The following ERMAP variants were observed in gnomAD, a reference collection of about 807,000 sequenced individuals.
The protein encoded by ERMAP is erythroblast membrane associated protein (Scianna blood group).
A neutral mutation model predicts 49.5 loss-of-function variants in ERMAP; 34 were observed. The observed-to-expected ratio is 0.69, with a 90% CI of 0.52 to 0.91. The LOEUF is 0.91. Among genes scored for constraint, ERMAP ranks in the 40% least tolerant of loss-of-function variants. The pLI is 0.00. For synonymous variants in ERMAP, 214 were observed against 232.2 expected (o/e 0.92, Z 0.71); for missense variants, 541 against 582.6 (o/e 0.93, Z 0.74).
At chr1:42,835,451 TAAAG>T (rs1654867043) in intron 5 of ERMAP, among the ~76,000 whole-genome samples, 1 of 152,200 alleles carries the variant, frequency 6.6e-6, no homozygotes, top group Non-Finnish European at 1.5e-5. Context: ...AGCCCTTTAA[TAAAG>T]AAATCCAATT....
Position 42,835,121 on chromosome 1 carries a change from C to G in ERMAP, c.517C>G (p.Leu173Val). The change falls in exon 5 of 12, where the codon CTT becomes GTT. Residue 173 changes from leucine to valine, a missense_variant. Physicochemically the swap from Leu to Val is conservative, Grantham distance 32. Coordinates refer to ENST00000372517, the MANE Select transcript of ERMAP (RefSeq NM_001017922.2). ...PVLVLLIMVC[L>V]CLIWKQRRAK... The stretch of plus-strand genomic sequence containing the variant: ...CCTGGTACTTCTCATCATGGTGTGC[C>G]TTTGCCTTATCTGGAAGCAAAGAAG... The G allele has an allele frequency of 6.4e-7, 1 of 1,559,286 alleles. No individual in the cohort carries two copies.
chr1:42,822,581 G>C (rs1654432551), intron 1 of ERMAP, among the ~76,000 whole-genome samples: 1 of 152,162 alleles, frequency 6.6e-6, no homozygotes, highest in African/African-American at 2.4e-5. Flanking sequence ...AGGGTAATTG[G>C]CATATTCATC....
rs1261758404 is a variant in ERMAP at position 42,819,168 on chromosome 1, A to T, written c.-122+1915A>T. On this transcript the variant is annotated intron_variant, in intron 1 of 11. Coordinates refer to ENST00000372517, the MANE Select transcript of ERMAP (RefSeq NM_001017922.2). The surrounding 1 kb of genome is among the most constrained non-coding windows in gnomAD (Gnocchi z 5.1). ...ACGGTGAGGAAGAGGATAAGTTAGG[A>T]GCGTGTGTGTGTGTGTGTGTGTGTG... 3.2e-5 allele frequency among the ~76,000 whole-genome samples: 3 copies of T among 94,234 alleles called. No individual in the cohort carries two copies. The Admixed American group carries it at 4.1e-4, about 13-fold the overall frequency. 61.8% of individuals were successfully genotyped at this position (94,234 alleles called of 152,430 possible). A position where few individuals can be genotyped will look rare whatever the true frequency, so the allele number is the denominator to read the frequency against.
chr1:42,834,794 A>T (rs1654844354), intron 4 of ERMAP: 1 of 393,284 alleles, frequency 2.5e-6, no homozygotes, highest in African/African-American at 2.1e-5. Context: ...ATCTCAGATG[A>T]TCCTCCTGCC....
chr1:42,834,147 C>CA (rs1423422175), intron 4 of ERMAP, among the ~76,000 whole-genome samples: 1 of 152,218 alleles, frequency 6.6e-6, no homozygotes, highest in East Asian at 1.9e-4. Context: ...GACATACTCC[C>CA]AGCTTAGGCT....
At chr1:42,817,514 C>T (rs943161258) in intron 1 of ERMAP, 1 of 158,796 alleles carries the variant, frequency 6.3e-6, no homozygotes, top group East Asian at 1.9e-4. Flanking sequence ...AGCTTTTTCC[C>T]GTTATATTTT....
Position 42,843,350 on chromosome 1 carries a change from T to G in ERMAP, c.*118T>G. On this transcript the variant is annotated 3_prime_UTR_variant, in exon 12 of 12. Coordinates refer to ENST00000372517, the MANE Select transcript of ERMAP (RefSeq NM_001017922.2). The stretch of plus-strand genomic sequence containing the variant: ...TCACCTTAACCCAAATCCAGACCCT[T>G]TTGTGGTTTCTATTTGTACCACTTT... The G allele has an allele frequency of 1.4e-6, 1 of 689,934 alleles. No homozygotes were observed. Among genetic ancestry groups the G allele is most frequent in the Non-Finnish European group, 2.3e-6 (1 of 432,512 alleles). 42.7% of individuals were successfully genotyped at this position (689,934 alleles called of 1,614,324 possible).
intron 8 of ERMAP, 30 bp downstream of exon 8, chr1:42,838,951 G>A: frequency 8.1e-6 from 13 of 1,614,140 alleles, no homozygotes; most frequent in Non-Finnish European, 1.1e-5. Flanking sequence ...CATGGCACAA[G>A]CTCCTTCTGC....
chr1:42,819,480 T>C lies in ERMAP; in HGVS notation c.-122+2227T>C, dbSNP rs1654351680. On this transcript the variant is annotated intron_variant, in intron 1 of 11. Transcript: ENST00000372517. This position sits in a 1 kb window ranked among gnomAD's most constrained non-coding sequence, Gnocchi z 5.1. ...CTCTTTTGTGTCTACCAGTGGACTC[T>C]TGGCCAGGCTGCAGAATTTCCTGGT... Among the ~76,000 whole-genome samples, 1 of 152,170 alleles carries C rather than the reference T, an allele frequency of 6.6e-6. No homozygotes were observed. The highest frequency in any genetic ancestry group is 2.4e-5 in the African/African-American group (1 of 41,424).
At chr1:42,823,232 A>G (rs1654448093) in intron 1 of ERMAP, among the ~76,000 whole-genome samples, 1 of 152,204 alleles carries the variant, frequency 6.6e-6, no homozygotes, top group Admixed American at 6.5e-5. Flanking sequence ...CAACACTCAC[A>G]GTTTTTTCTT....
Position 42,843,601 on chromosome 1 carries a change from A to G in ERMAP, c.*369A>G, listed in dbSNP as rs1655130884. Reference sequence around the variant, plus strand: ...TCATCCTGCCCTCAAGCTTTAGTCAAGAAGTTATGGCCCCCAGTCCCTGAC... The same window carrying G: ...TCATCCTGCCCTCAAGCTTTAGTCAGGAAGTTATGGCCCCCAGTCCCTGAC... On this transcript the variant is annotated 3_prime_UTR_variant, in exon 12 of 12. Transcript: ENST00000372517. 1 of 193,472 alleles carries G rather than the reference A, an allele frequency of 5.2e-6. No individual in the cohort carries two copies. The highest frequency in any genetic ancestry group is 1.0e-5 in the Non-Finnish European group (1 of 96,522). 12.0% of individuals were successfully genotyped at this position (193,472 alleles called of 1,614,324 possible). A position where few individuals can be genotyped will look rare whatever the true frequency, so the allele number is the denominator to read the frequency against.
Position 42,843,245 on chromosome 1 carries a change from T to A in ERMAP, c.*13T>A. 1 of 1,544,998 alleles carries A rather than the reference T, an allele frequency of 6.5e-7. No homozygotes were observed. ...TCCTTCTTTTTAGGGATATGCCACA[T>A]TACCTGCTCCCATCACCATCCAGCC... is the stretch of plus-strand genomic sequence containing the variant. On this transcript the variant is annotated 3_prime_UTR_variant, in exon 12 of 12. Coordinates refer to ENST00000372517, the MANE Select transcript of ERMAP (RefSeq NM_001017922.2).
chr1:42,818,732 G>C (rs1431574989), intron 1 of ERMAP, among the ~76,000 whole-genome samples: 1 of 152,130 alleles, frequency 6.6e-6, no homozygotes, highest in African/African-American at 2.4e-5. Flanking sequence ...CAGTCTCCCA[G>C]AGTGCTGGGA....
At chr1:42,818,574 C>T (rs1654312771) in intron 1 of ERMAP, among the ~76,000 whole-genome samples, 1 of 152,082 alleles carries the variant, frequency 6.6e-6, no homozygotes, top group Non-Finnish European at 1.5e-5. Flanking sequence ...CTCAAGCAAT[C>T]CTCCCACCTC....
chr1:42,837,102 A>C, intron 6 of ERMAP, 56 bp from the exon 7 acceptor site: 1 of 1,588,714 alleles, frequency 6.3e-7, no homozygotes, highest in Non-Finnish European at 8.6e-7. Flanking sequence ...AATAGGAATC[A>C]GGGATCCTCA....
At chr1:42,840,323 A>C (rs1287211406) in intron 11 of ERMAP, 27 bp downstream of exon 11, 1 of 1,613,948 alleles carries the variant, frequency 6.2e-7, no homozygotes, top group Non-Finnish European at 8.5e-7. Context: ...AAATAGGTCC[A>C]TATCTCAGAG....
chr1:42,837,071 G>A, intron 6 of ERMAP, 87 bp from the exon 7 acceptor site: 1 of 1,391,952 alleles, frequency 7.2e-7, no homozygotes, highest in African/African-American at 1.4e-5. Context: ...GAGGTGGACA[G>A]GTCCAAGGGC....
intron 8 of ERMAP, 150 bp from the exon 9 acceptor site, chr1:42,839,883 C>T (rs1655007687): frequency 1.3e-6 from 1 of 772,286 alleles, no homozygotes. Flanking sequence ...CAGCTGGGAT[C>T]TACTGCTCTT....
rs1655135209 is a variant in ERMAP at position 42,843,718 on chromosome 1, G to T, written c.*486G>T. 9.9e-6 allele frequency: 2 copies of T among 203,032 alleles called. No individual in the cohort carries two copies. Among genetic ancestry groups the T allele is most frequent in the Non-Finnish European group, 1.9e-5 (2 of 103,572 alleles). The allele number at this position is 203,032 out of a possible 1,614,324, so 12.6% of individuals were successfully genotyped here. On this transcript the variant is annotated 3_prime_UTR_variant, in exon 12 of 12. Transcript: ENST00000372517. ...GCTCTCTAAAAGCAAGCATGTTTTA[G>T]ACCACTCACTCTTTCCCTCTTTCTT...
Sources: gnomAD v4.1 joint callset for allele counts (sites outside exome capture counted in the v4.1 genomes callset) on GRCh38, gnomAD v4.1.1 for gene constraint, Gnocchi (gnomAD v3.1) non-coding constraint, MANE v1.5 for transcripts, NCBI Gene and HGNC (gene_info 2026-07-23, HGNC 2026-07-21) for gene names.